NCOA6: variants seen among roughly 807,000 people sequenced by gnomAD.
NCOA6 encodes NRC RAP250.
A neutral mutation model predicts 171.4 loss-of-function variants in NCOA6; 49 were observed. That is an observed-to-expected ratio of 0.29 (90% CI 0.23 to 0.36). The LOEUF (loss-of-function observed/expected upper bound fraction) is 0.36, where lower values mean the gene tolerates loss of function less well. Ranked by LOEUF, NCOA6 falls within the 10% of genes least tolerant of loss-of-function variation. The pLI, the probability that NCOA6 is intolerant of heterozygous loss-of-function variation, is 1.00. For synonymous variants in NCOA6, 910 were observed against 927.5 expected (o/e 0.98, Z 0.34); for missense variants, 2,248 against 2,554.5 (o/e 0.88, Z 2.59).
intron 1 of NCOA6, among the ~76,000 whole-genome samples, chr20:34,808,728 G>C (rs1384188337): frequency 6.6e-6 from 1 of 152,166 alleles, no homozygotes; most frequent in Non-Finnish European, 1.5e-5. Flanking sequence ...GTGAGCCACA[G>C]TGCCCAGCCT....
chr20:34,752,750 G>GAC (rs1178681497), intron 8 of NCOA6, among the ~76,000 whole-genome samples: 1 of 151,876 alleles, frequency 6.6e-6, no homozygotes, highest in East Asian at 1.9e-4. Context: ...CCAACATGGT[G>GAC]ACACCCCATC....
intron 14 of NCOA6, among the ~76,000 whole-genome samples, chr20:34,717,023 T>C (rs2146876321): frequency 6.6e-6 from 1 of 152,262 alleles, no homozygotes; most frequent in East Asian, 1.9e-4. Flanking sequence ...TTTCTGATAC[T>C]GCATGTTAGG....
chr20:34,772,382 C>G (rs1052184650), intron 4 of NCOA6, among the ~76,000 whole-genome samples: 1 of 151,604 alleles, frequency 6.6e-6, no homozygotes, highest in Non-Finnish European at 1.5e-5. Flanking sequence ...ATCATTTATA[C>G]ATAAAATAGT....
In NCOA6 at chr20:34,727,249, C is replaced by T. The variant is rs1298527604; in HGVS notation, c.6148+10G>A. 3.1e-6 allele frequency: 5 copies of T among 1,613,132 alleles called. No individual in the cohort carries two copies. Among genetic ancestry groups the T allele is most frequent in the Non-Finnish European group, 4.2e-6 (5 of 1,179,534 alleles). Reference sequence around the variant, plus strand: ...TGACCCACAAATAGCACCCACATCCCACTGCTAACCTTTAGTAGAGCTGGA... The same window carrying T: ...TGACCCACAAATAGCACCCACATCCTACTGCTAACCTTTAGTAGAGCTGGA... On this transcript the variant is annotated intron_variant, in intron 14 of 14. Coordinates refer to ENST00000359003, the MANE Select transcript of NCOA6 (RefSeq NM_014071.5).
At chr20:34,823,441 T>C (rs1242924399) in intron 1 of NCOA6, among the ~76,000 whole-genome samples, 1 of 152,242 alleles carries the variant, frequency 6.6e-6, no homozygotes, top group Non-Finnish European at 1.5e-5. Context: ...TTGACAGTTT[T>C]ATTTTATATA....
chr20:34,728,663 A>G (rs1055617033), intron 13 of NCOA6, among the ~76,000 whole-genome samples: 4 of 152,228 alleles, frequency 2.6e-5, no homozygotes, highest in Non-Finnish European at 5.9e-5. Context: ...CTTTTTACAG[A>G]GCTCCACACA....
intron 5 of NCOA6, among the ~76,000 whole-genome samples, chr20:34,765,597 C>T (rs1364652241): frequency 6.6e-6 from 1 of 151,922 alleles, no homozygotes; most frequent in African/African-American, 2.4e-5. Context: ...AGGTTCTCAC[C>T]TAGGGGAAAT....
rs11484299 is a variant in NCOA6, at chr20:34,746,930, T to TAA, written c.2793-4_2793-3dup. ...CCAGCTGGGCGAGTATCTGGGGTGC[T>TAA]AAAAAAAAAAAAAAAAAAAAAAGTG... On this transcript the variant is annotated splice_polypyrimidine_tract_variant and splice_region_variant and intron_variant, in intron 9 of 14. Transcript: ENST00000359003. 21,448 of 1,119,708 alleles carry TAA rather than the reference T, an allele frequency of 0.019. 52 individuals are homozygous for TAA. The highest frequency in any genetic ancestry group is 0.042 in the African/African-American group (1,743 of 41,712). 69.4% of individuals were successfully genotyped at this position (1,119,708 alleles called of 1,614,324 possible).
At chr20:34,732,621 A>C in intron 12 of NCOA6, 26 bp from the exon 13 acceptor site, 1 of 1,607,240 alleles carries the variant, frequency 6.2e-7, no homozygotes, top group African/African-American at 1.3e-5. Context: ...AAGGATAGAA[A>C]TGAAATGTGG....
intron 12 of NCOA6, among the ~76,000 whole-genome samples, chr20:34,733,575 G>A (rs2075852665): frequency 6.6e-6 from 1 of 152,142 alleles, no homozygotes; most frequent in Admixed American, 6.5e-5. Context: ...AAGTTAAGGA[G>A]ATGAAATAAT....
intron 1 of NCOA6, among the ~76,000 whole-genome samples, chr20:34,807,940 G>A (rs1230525878): frequency 6.6e-6 from 1 of 151,226 alleles, no homozygotes; most frequent in East Asian, 2.0e-4. Context: ...ACATGAAGTC[G>A]GGAGTTTGAG....
At chr20:34,746,097 G>A (rs2076293045) in intron 10 of NCOA6, among the ~76,000 whole-genome samples, 1 of 152,048 alleles carries the variant, frequency 6.6e-6, no homozygotes, top group African/African-American at 2.4e-5. Flanking sequence ...AACCCTGGTA[G>A]TTCCCTGCTT....
chr20:34,803,930 G>A (rs1247029478), intron 1 of NCOA6, among the ~76,000 whole-genome samples: 9 of 151,574 alleles, frequency 5.9e-5, no homozygotes, highest in Admixed American at 5.9e-4. Context: ...CCCGGGAGGT[G>A]GAGGTTGCGC....
chr20:34,758,203 T>G, intron 6 of NCOA6, 99 bp from the exon 7 acceptor site: 1 of 1,443,866 alleles, frequency 6.9e-7, no homozygotes, highest in African/African-American at 1.4e-5. Context: ...CAAAATCTGC[T>G]GGTACTATTC....
chr20:34,765,853 T>C (rs1320474965), intron 5 of NCOA6, among the ~76,000 whole-genome samples: 1 of 152,144 alleles, frequency 6.6e-6, no homozygotes, highest in Admixed American at 6.5e-5. Context: ...TCTATAAGGC[T>C]ATGAAAAAAA....
chr20:34,768,732 G>T, intron 4 of NCOA6, 146 bp from the exon 5 acceptor site: 2 of 856,500 alleles, frequency 2.3e-6, no homozygotes, highest in Non-Finnish European at 1.8e-6. Flanking sequence ...GTTCAATGTA[G>T]ATGGGTCTTT....
At chr20:34,783,260 C>G (rs976610324) in intron 2 of NCOA6, among the ~76,000 whole-genome samples, 1 of 151,288 alleles carries the variant, frequency 6.6e-6, no homozygotes, top group South Asian at 2.1e-4. Flanking sequence ...CCAGCCTGGG[C>G]AACAGAGCAA....
chr20:34,807,653 G>T (rs1014170817), intron 1 of NCOA6, among the ~76,000 whole-genome samples: 1 of 151,942 alleles, frequency 6.6e-6, no homozygotes, highest in Non-Finnish European at 1.5e-5. Flanking sequence ...AGCCTCCCAA[G>T]TGGCTGGGAC....
rs774734579 is a variant in NCOA6, at chr20:34,741,166, A to G, written c.5090T>C (p.Val1697Ala). Residue 1697 changes from valine to alanine, a missense_variant, in exon 11 of 15, where the codon GTT (valine) becomes GCT (alanine). Physicochemically the swap from Val to Ala is moderately conservative, Grantham distance 64 (BLOSUM62 0). Transcript: ENST00000359003. ...GTTCTGAGGTATGTGTAAAGGGCCA[A>G]CAACTGCAACAGAGGGAGGCATCAG... is the stretch of plus-strand genomic sequence containing the variant. ...SGLMPPSVAVVGPLHIPQNIK... is the reference protein window; with the variant it reads ...SGLMPPSVAVAGPLHIPQNIK... 1 of 1,614,264 alleles carries G rather than the reference A, an allele frequency of 6.2e-7. No homozygotes were observed.
Sources: allele counts gnomAD v4.1 joint callset (sites outside exome capture counted in the v4.1 genomes callset), GRCh38; gene constraint gnomAD v4.1.1; transcripts MANE v1.5; gene names NCBI Gene and HGNC (gene_info 2026-07-23, HGNC 2026-07-21).